The following ASTN2 variants were observed in gnomAD, a reference collection of about 807,000 sequenced individuals.
The protein encoded by ASTN2 is astrotactin 2.
ASTN2 carries 54 observed loss-of-function variants against 139.8 expected under a neutral mutation model. The observed-to-expected ratio is 0.39, with a 90% confidence interval of 0.31 to 0.48. The LOEUF (loss-of-function observed/expected upper bound fraction) is 0.48, where lower values mean the gene tolerates loss of function less well. Among genes scored for constraint, ASTN2 ranks in the 20% least tolerant of loss-of-function variants. The pLI, the probability that ASTN2 is intolerant of heterozygous loss-of-function variation, is 0.95. For synonymous variants in ASTN2, 756 were observed against 719.5 expected (o/e 1.05, Z -0.81); for missense variants, 1,565 against 1,725.1 (o/e 0.91, Z 1.64).
In ASTN2 at chr9:117,214,572, G is replaced by T; in HGVS notation, c.801C>A (p.Ser267Arg). ...GGGTTTGCAGCCGGGATGAACGGAA[G>T]CTCTCCCGCGCCTGGGGACCCAGCA... ...SVLLGPQARE[S>R]FRSSRLQTHN... The change falls in exon 3 of 23, where the codon AGC (serine) becomes AGA (arginine). Residue 267 changes from serine to arginine, a missense_variant. Physicochemically the swap from Ser to Arg is moderately radical, Grantham distance 110. Coordinates refer to ENST00000313400, the MANE Select transcript of ASTN2 (RefSeq NM_001365068.1). The T allele has an allele frequency of 6.2e-7, 1 of 1,609,858 alleles. No homozygotes were observed. Among genetic ancestry groups the T allele is most frequent in the East Asian group, 2.2e-5 (1 of 44,726 alleles).
chr9:117,155,496 CAG>C (rs539624776), intron 3 of ASTN2, among the ~76,000 whole-genome samples: 1 of 146,462 alleles, frequency 6.8e-6, no homozygotes, highest in East Asian at 2.0e-4. Flanking sequence ...AAGAAAGAGA[CAG>C]AGAGAGAGAG....
chr9:116,980,680 T>C (rs938071058), intron 7 of ASTN2, among the ~76,000 whole-genome samples: 2 of 152,200 alleles, frequency 1.3e-5, no homozygotes, highest in Non-Finnish European at 2.9e-5. Context: ...GCTGCAATCA[T>C]TCTTAGCAGC....
chr9:116,440,567 C>CA (rs1462575203), intron 22 of ASTN2, 42 bp downstream of exon 22: 4 of 1,592,294 alleles, frequency 2.5e-6, no homozygotes, highest in Non-Finnish European at 3.4e-6. Context: ...CAACTGGAGG[C>CA]AAAAAGAATA....
chr9:117,333,556 C>T (rs1828784355), intron 1 of ASTN2, among the ~76,000 whole-genome samples: 1 of 152,092 alleles, frequency 6.6e-6, no homozygotes, highest in South Asian at 2.1e-4. Flanking sequence ...GGGGTTGGAA[C>T]AGTTTTTAAA....
intron 19 of ASTN2, among the ~76,000 whole-genome samples, chr9:116,502,039 C>G (rs1040420779): frequency 2.0e-5 from 3 of 151,992 alleles, no homozygotes; most frequent in Non-Finnish European, 4.4e-5. Flanking sequence ...AAAGATGAGT[C>G]AGGTTTTCTG....
At chr9:117,299,746 G>C (rs1199321579) in intron 1 of ASTN2, among the ~76,000 whole-genome samples, 1 of 152,164 alleles carries the variant, frequency 6.6e-6, no homozygotes, top group African/African-American at 2.4e-5. Context: ...GGTTAATAAA[G>C]CTCTCCATAT....
At chr9:117,308,223 A>G (rs1450584769) in intron 1 of ASTN2, among the ~76,000 whole-genome samples, 1 of 76,794 alleles carries the variant, frequency 1.3e-5, no homozygotes, top group African/African-American at 3.2e-5. Flanking sequence ...AAATCAATCA[A>G]TCAATCAATC....
chr9:116,647,837 G>A (rs929383270), intron 17 of ASTN2, among the ~76,000 whole-genome samples: 2 of 152,126 alleles, frequency 1.3e-5, no homozygotes, highest in Non-Finnish European at 2.9e-5. Context: ...TTTGGAGACA[G>A]TGTCTCATTC....
chr9:117,058,255 G>C lies in ASTN2; in HGVS notation c.1277-18290C>G, dbSNP rs564341627. On this transcript the variant is annotated intron_variant, in intron 5 of 22. Coordinates refer to ENST00000313400, the MANE Select transcript of ASTN2 (RefSeq NM_001365068.1). ...TCCTTATTTGAGAAAAAGGGAACAG[G>C]CTTCATGGGATCATCCTAAGGCAGG... Among the ~76,000 whole-genome samples, 4 of 152,250 alleles carry C rather than the reference G, an allele frequency of 2.6e-5. No individual in the cohort carries two copies. The East Asian group carries it at 7.7e-4, about 29-fold the overall frequency.
At chr9:116,671,719 G>C (rs563918720) in intron 16 of ASTN2, among the ~76,000 whole-genome samples, 52 of 152,262 alleles carry the variant, frequency 3.4e-4, no homozygotes, top group Middle Eastern at 3.4e-3. Flanking sequence ...GAGTCATGAA[G>C]AGGCTCATGT....
chr9:117,134,379 T>C (rs1829902691), intron 4 of ASTN2, among the ~76,000 whole-genome samples: 1 of 146,364 alleles, frequency 6.8e-6, no homozygotes, highest in East Asian at 2.0e-4. Context: ...TAAAAGCACA[T>C]TGAAACATTG....
intron 20 of ASTN2, among the ~76,000 whole-genome samples, chr9:116,448,056 G>A (rs1434203748): frequency 1.3e-5 from 2 of 152,158 alleles, no homozygotes; most frequent in African/African-American, 4.8e-5. Flanking sequence ...GTCAGGCCTG[G>A]GTCCCCGAGA....
In ASTN2 at chr9:117,166,940, T is replaced by C. The variant is rs1830683243; in HGVS notation, c.1016-25462A>G. 2.6e-5 allele frequency among the ~76,000 whole-genome samples: 4 copies of C among 152,144 alleles called. No homozygotes were observed. The South Asian group carries it at 8.3e-4, about 31-fold the overall frequency. ...TTATGTTGACAACATCCATTCTTCC[T>C]GCCATACTGGGCTGGTATGAAAATA... On this transcript the variant is annotated intron_variant, in intron 3 of 22. Coordinates refer to ENST00000313400, the MANE Select transcript of ASTN2 (RefSeq NM_001365068.1).
intron 2 of ASTN2, among the ~76,000 whole-genome samples, chr9:117,276,667 A>T (rs1017892306): frequency 1.3e-5 from 2 of 152,244 alleles, no homozygotes; most frequent in African/African-American, 4.8e-5. Flanking sequence ...CCCCTGCAGA[A>T]TTTTAGAGGA....
intron 22 of ASTN2, among the ~76,000 whole-genome samples, chr9:116,438,876 C>A (rs35071621): frequency 6.6e-6 from 1 of 151,804 alleles, no homozygotes; most frequent in Non-Finnish European, 1.5e-5. Context: ...CTTGAACTCA[C>A]GAGGCGGAGG....
chr9:116,568,332 T>C lies in ASTN2; in HGVS notation c.3355+49992A>G, dbSNP rs1384890065. 2.0e-5 allele frequency: 3 copies of C among 152,120 alleles called. No individual in the cohort carries two copies. In the South Asian group the frequency reaches 6.2e-4, roughly 32 times the overall value. The allele number at this position is 152,120 out of a possible 1,614,324, so 9.4% of individuals were successfully genotyped here. ...TAGTGAGCTCATCACATGGAAAGAGTTTTGGATATTTTTTTAAATTTTTAA... is the reference window on the plus strand; with the variant it reads ...TAGTGAGCTCATCACATGGAAAGAGCTTTGGATATTTTTTTAAATTTTTAA... On this transcript the variant is annotated intron_variant, in intron 19 of 22. Transcript: ENST00000313400.
intron 10 of ASTN2, among the ~76,000 whole-genome samples, chr9:116,880,273 A>G (rs1833419700): frequency 6.6e-6 from 1 of 152,194 alleles, no homozygotes; most frequent in African/African-American, 2.4e-5. Flanking sequence ...TTCCCATGAA[A>G]TTTCATGAAA....
rs186688423 is a variant in ASTN2, at chr9:117,295,266, G to T, written c.443-3753C>A. The stretch of plus-strand genomic sequence containing the variant: ...GAACTCGGAAAGTGGAGGTTGCAGG[G>T]AGCCAAGATTGCGCCACTGCACTCC... On this transcript the variant is annotated intron_variant, in intron 1 of 22. Coordinates refer to ENST00000313400, the MANE Select transcript of ASTN2 (RefSeq NM_001365068.1). 4.2e-3 allele frequency among the ~76,000 whole-genome samples: 645 copies of T among 152,180 alleles called. 4 individuals carry two copies. The highest frequency in any genetic ancestry group is 0.015 in the African/African-American group (616 of 41,504).
intron 1 of ASTN2, among the ~76,000 whole-genome samples, chr9:117,407,548 G>A (rs554130063): frequency 1.3e-5 from 2 of 152,294 alleles, no homozygotes; most frequent in Non-Finnish European, 2.9e-5. Flanking sequence ...TCAACTCACA[G>A]ACTTGGATGC....
Sources: allele counts gnomAD v4.1 joint callset (sites outside exome capture counted in the v4.1 genomes callset), GRCh38; gene constraint gnomAD v4.1.1; transcripts MANE v1.5; gene names NCBI Gene and HGNC (gene_info 2026-07-23, HGNC 2026-07-21).